The following MOSPD1 variants were observed in gnomAD, a reference collection of about 807,000 sequenced individuals.
MOSPD1 encodes the protein motile sperm domain-containing protein 1.
Under a neutral mutation model 16.7 loss-of-function variants are expected in MOSPD1, and 5 were observed. The ratio of observed to expected loss-of-function variants is 0.30; its 90% CI spans 0.16 to 0.63. The LOEUF (loss-of-function observed/expected upper bound fraction) is 0.63. Among genes scored for constraint, MOSPD1 ranks in the 30% least tolerant of loss-of-function variants. MOSPD1 has a pLI of 0.82. For synonymous variants in MOSPD1, 67 were observed against 59.2 expected (o/e 1.13, Z -0.61); for missense variants, 104 against 153.6 (o/e 0.68, Z 1.71).
Position 134,887,725 on chromosome X carries a change from A to T in MOSPD1, c.*1436T>A, listed in dbSNP as rs1437976453. The T allele has an allele frequency of 2.6e-5, 3 of 113,628 alleles. No homozygotes were observed. Among genetic ancestry groups the T allele is most frequent in the Non-Finnish European group, 5.6e-5 (3 of 53,428 alleles). The allele number at this position is 113,628 out of a possible 1,213,427, so 9.4% of individuals were successfully genotyped here. On this transcript the variant is annotated 3_prime_UTR_variant, in exon 6 of 6. Coordinates refer to ENST00000370783, the MANE Select transcript of MOSPD1 (RefSeq NM_019556.3). Reference sequence around the variant, plus strand: ...CATGTGCACTTGCACACACGTGCACACACAGGACTTGAGATGGAGAAACAA... The same window carrying T: ...CATGTGCACTTGCACACACGTGCACTCACAGGACTTGAGATGGAGAAACAA...
chrX:134,894,756 CA>C (rs1004358511), intron 4 of MOSPD1, among the ~76,000 whole-genome samples: 3 of 111,365 alleles, frequency 2.7e-5, no homozygotes, highest in East Asian at 2.8e-4. Flanking sequence ...CAAAACAAAA[CA>C]AAAAAACCAT....
intron 4 of MOSPD1, 73 bp from the exon 5 acceptor site, chrX:134,891,713 C>T: frequency 5.0e-6 from 5 of 990,375 alleles, no homozygotes; most frequent in South Asian, 2.1e-5. Flanking sequence ...AAACACTGGC[C>T]ACCACAGACC....
rs188724818 is a variant in MOSPD1, at chrX:134,891,326, A to T, written c.610+153T>A. On this transcript the variant is annotated intron_variant, in intron 5 of 5. Transcript: ENST00000370783. ...AGCTAAAAAGAACTAAATGTGAGTT[A>T]AAAAAGTCTTCAAAGGCACCTGACC... is the stretch of plus-strand genomic sequence containing the variant. Among the ~76,000 whole-genome samples, 7 of 110,067 alleles carry T rather than the reference A, an allele frequency of 6.4e-5. No homozygotes were observed. In the East Asian group the frequency reaches 1.1e-3, roughly 18 times the overall value.
chrX:134,902,954 C>T (rs1294456448), intron 1 of MOSPD1, among the ~76,000 whole-genome samples: 8 of 107,097 alleles, frequency 7.5e-5, no homozygotes, highest in Non-Finnish European at 1.5e-4. Flanking sequence ...CAAAAGCATA[C>T]ACATTTCTAT....
intron 1 of MOSPD1, among the ~76,000 whole-genome samples, chrX:134,902,205 C>T (rs914209290): frequency 9.1e-6 from 1 of 109,582 alleles, no homozygotes; most frequent in African/African-American, 3.3e-5. Context: ...GTCAGGAGTT[C>T]GAGACCAGCC....
At chrX:134,893,627 A>G (rs1194572775) in intron 4 of MOSPD1, among the ~76,000 whole-genome samples, 2 of 111,728 alleles carry the variant, frequency 1.8e-5, no homozygotes, top group African/African-American at 6.5e-5. Flanking sequence ...AGATTTTACA[A>G]ATGCCCATAT....
chrX:134,911,373 T>C (rs986308881), intron 1 of MOSPD1, among the ~76,000 whole-genome samples: 1 of 112,540 alleles, frequency 8.9e-6, no homozygotes, highest in Admixed American at 9.5e-5. Context: ...ATGTTTTACA[T>C]GTGACCCAAT....
intron 1 of MOSPD1, among the ~76,000 whole-genome samples, chrX:134,906,460 A>G (rs1451820445): frequency 9.1e-6 from 1 of 109,580 alleles, no homozygotes; most frequent in Non-Finnish European, 1.9e-5. Context: ...GTGGGATTAC[A>G]GGCATGAGCC....
rs929583913 is a variant in MOSPD1, at chrX:134,891,413, A to G, written c.610+66T>C. 36 of 1,053,804 alleles carry G rather than the reference A, an allele frequency of 3.4e-5. No individual in the cohort carries two copies. In the African/African-American group the frequency reaches 5.8e-4, roughly 17 times the overall value. The allele number at this position is 1,053,804 out of a possible 1,213,427, so 86.8% of individuals were successfully genotyped here. A position where few individuals can be genotyped will look rare whatever the true frequency, so the allele number is the denominator to read the frequency against. ...TGGGAAAAAAAAAAAAAATCAAACC[A>G]CCACCACCCTACCACACACATAAAG... On this transcript the variant is annotated intron_variant, in intron 5 of 5. Transcript: ENST00000370783.
chrX:134,902,518 T>A (rs1475094087), intron 1 of MOSPD1, among the ~76,000 whole-genome samples: 2 of 111,049 alleles, frequency 1.8e-5, no homozygotes, highest in East Asian at 5.6e-4. Context: ...TAAGGCTAGA[T>A]GCGGTGGCTC....
rs747539246 is a variant in MOSPD1 at position 134,908,990 on chromosome X, G to A, written c.-102+6192C>T. 8.1e-5 allele frequency among the ~76,000 whole-genome samples: 9 copies of A among 111,567 alleles called. No homozygotes were observed. In the South Asian group the frequency reaches 3.0e-3, roughly 37 times the overall value. ...TTTTAGAAAGAGGAGGCTGCAGGCC[G>A]GGCGCGGTGGCTCACGCCTGTAATC... On this transcript the variant is annotated intron_variant, in intron 1 of 5. Coordinates refer to ENST00000370783, the MANE Select transcript of MOSPD1 (RefSeq NM_019556.3).
chrX:134,913,566 A>G (rs2082983912), intron 1 of MOSPD1, among the ~76,000 whole-genome samples: 1 of 111,948 alleles, frequency 8.9e-6, no homozygotes, highest in African/African-American at 3.2e-5. Context: ...AAGAAAAGAA[A>G]AATAAAACAC....
chrX:134,914,985 G>A (rs1251716986), intron 1 of MOSPD1, among the ~76,000 whole-genome samples, 197 bp downstream of exon 1: 1 of 112,734 alleles, frequency 8.9e-6, no homozygotes, highest in African/African-American at 3.2e-5. Context: ...GTCACACACG[G>A]GACAGGAAAG....
chrX:134,902,779 CTG>C (rs1211269677), intron 1 of MOSPD1, among the ~76,000 whole-genome samples: 1 of 104,295 alleles, frequency 9.6e-6, no homozygotes, highest in African/African-American at 3.6e-5. Flanking sequence ...GGGTAACAAA[CTG>C]AGATTTTGTC....
chrX:134,897,770 A>G (rs145290563), intron 3 of MOSPD1, among the ~76,000 whole-genome samples: 199 of 111,865 alleles, frequency 1.8e-3, no homozygotes, highest in African/African-American at 6.3e-3. Context: ...AGGTAGAAAC[A>G]AGCAATCAAA....
chrX:134,902,580 C>T (rs1318723401), intron 1 of MOSPD1, among the ~76,000 whole-genome samples: 7 of 109,217 alleles, frequency 6.4e-5, no homozygotes, highest in Admixed American at 5.0e-4. Flanking sequence ...ATTTATTGAG[C>T]CCAGGAGTTC....
At position 134,902,062 on chromosome X, in the gene MOSPD1, GTTATTA is replaced by G. The variant is rs746074626; in HGVS notation, c.-101-2534_-101-2529del. On this transcript the variant is annotated intron_variant, in intron 1 of 5. Transcript: ENST00000370783. Reference sequence around the variant, plus strand: ...CCAGGCAATGTTCTAAGTGTTTGTTGTTATTATTATTATTTAATTATGAAGAGACCA... The same window carrying G: ...CCAGGCAATGTTCTAAGTGTTTGTTGTTATTATTTAATTATGAAGAGACCA... Among the ~76,000 whole-genome samples, 488 of 111,652 alleles carry G rather than the reference GTTATTA, an allele frequency of 4.4e-3. 2 individuals are homozygous for G. Among genetic ancestry groups the G allele is most frequent in the African/African-American group, 0.014 (427 of 30,767 alleles).
intron 1 of MOSPD1, among the ~76,000 whole-genome samples, chrX:134,906,090 C>A (rs143321277): frequency 2.5e-4 from 27 of 109,754 alleles, no homozygotes; most frequent in African/African-American, 8.6e-4. Context: ...AATAGGCTAT[C>A]TCCTTGTTAC....
chrX:134,907,305 G>A (rs1008445548), intron 1 of MOSPD1, among the ~76,000 whole-genome samples: 44 of 112,097 alleles, frequency 3.9e-4, no homozygotes, highest in African/African-American at 1.4e-3. Context: ...AATTGTCCCT[G>A]CTTATCAAGA....
Sources: gnomAD v4.1 joint callset for allele counts (sites outside exome capture counted in the v4.1 genomes callset) on GRCh38, gnomAD v4.1.1 for gene constraint, MANE v1.5 for transcripts, NCBI Gene and HGNC (gene_info 2026-07-23, HGNC 2026-07-21) for gene names.